Variants in LRRTM3 observed in about 807,000 individuals in gnomAD.
LRRTM3 encodes leucine-rich repeat transmembrane neuronal protein 3.
In LRRTM3, 24 loss-of-function variants were observed where a neutral mutation model predicts 44.7. That is an observed-to-expected ratio of 0.54 (90% CI 0.39 to 0.76). The LOEUF is 0.76. LRRTM3 is among the 30% of genes least tolerant of loss of function. The pLI, the probability that LRRTM3 is intolerant of heterozygous loss-of-function variation, is 0.00. For synonymous variants in LRRTM3, 277 were observed against 278.7 expected, an observed-to-expected ratio of 0.99 and a Z score of 0.06; for missense variants, 587 against 702.2, an observed-to-expected ratio of 0.84 and a Z score of 1.85.
chr10:66,976,756 T>C (rs1024552756), intron 2 of LRRTM3, among the ~76,000 whole-genome samples: 2 of 152,236 alleles, frequency 1.3e-5, no homozygotes, highest in African/African-American at 4.8e-5. Context: ...ATTATTCATT[T>C]CATCTAGAGT....
intron 2 of LRRTM3, among the ~76,000 whole-genome samples, chr10:67,036,892 A>T (rs1001933364): frequency 1.3e-5 from 2 of 152,182 alleles, no homozygotes; most frequent in Admixed American, 1.3e-4. Context: ...GTGAAAAAAA[A>T]TAATAATGCA....
intron 2 of LRRTM3, among the ~76,000 whole-genome samples, chr10:66,996,239 A>G (rs1292524143): frequency 6.6e-6 from 1 of 152,192 alleles, no homozygotes; most frequent in Non-Finnish European, 1.5e-5. Context: ...AATGCATTAA[A>G]AATTTTAACG....
At chr10:66,993,830 C>A (rs1375544927) in intron 2 of LRRTM3, among the ~76,000 whole-genome samples, 1 of 151,874 alleles carries the variant, frequency 6.6e-6, no homozygotes, top group Non-Finnish European at 1.5e-5. Flanking sequence ...GTTAGGTCTT[C>A]TTTTATGTCC....
chr10:66,932,286 A>C (rs1847447518), intron 2 of LRRTM3, among the ~76,000 whole-genome samples: 1 of 152,196 alleles, frequency 6.6e-6, no homozygotes, highest in African/African-American at 2.4e-5. Context: ...AGGTGCATGA[A>C]ATATCTCTTC....
intron 2 of LRRTM3, among the ~76,000 whole-genome samples, chr10:66,970,997 A>T (rs1213172689): frequency 6.6e-6 from 1 of 152,122 alleles, no homozygotes; most frequent in Non-Finnish European, 1.5e-5. Flanking sequence ...TCTTCTTTTC[A>T]TGCAAGTTTA....
At chr10:66,994,658 T>C (rs932679757) in intron 2 of LRRTM3, among the ~76,000 whole-genome samples, 1 of 152,178 alleles carries the variant, frequency 6.6e-6, no homozygotes, top group Admixed American at 6.6e-5. Flanking sequence ...GACAAAATCA[T>C]GACTTACCAC....
chr10:67,073,062 A>T (rs1426788539), intron 2 of LRRTM3, among the ~76,000 whole-genome samples: 1 of 152,184 alleles, frequency 6.6e-6, no homozygotes, highest in Non-Finnish European at 1.5e-5. Flanking sequence ...CAGTCCTCAG[A>T]CCACACTCAG....
intron 2 of LRRTM3, among the ~76,000 whole-genome samples, chr10:67,068,618 CAAG>C (rs1856240309): frequency 6.6e-6 from 1 of 152,034 alleles, no homozygotes; most frequent in South Asian, 2.1e-4. Context: ...GAAAAAAAGA[CAAG>C]AAGAAAATGA....
intron 2 of LRRTM3, among the ~76,000 whole-genome samples, chr10:66,999,694 T>C (rs1851566669): frequency 1.3e-5 from 2 of 152,156 alleles, no homozygotes; most frequent in African/African-American, 4.8e-5. Context: ...AAAGTAGAAA[T>C]GAATAATGTA....
intron 2 of LRRTM3, chr10:67,012,955 A>C (rs1852434345): frequency 6.6e-6 from 1 of 152,298 alleles, no homozygotes; most frequent in East Asian, 1.9e-4. Flanking sequence ...ATTTTAAAAA[A>C]ACCAACACTT....
intron 2 of LRRTM3, among the ~76,000 whole-genome samples, chr10:66,999,351 T>C (rs1299080842): frequency 6.6e-6 from 1 of 152,154 alleles, no homozygotes; most frequent in Non-Finnish European, 1.5e-5. Context: ...CTGCCTAACA[T>C]TTTCAAGAAA....
At chr10:66,949,112 T>C (rs936513431) in intron 2 of LRRTM3, among the ~76,000 whole-genome samples, 2 of 152,204 alleles carry the variant, frequency 1.3e-5, no homozygotes, top group Non-Finnish European at 2.9e-5. Flanking sequence ...ATTCCTAAAG[T>C]ATTCAATGGA....
chr10:67,001,851 T>C (rs1026116434), intron 2 of LRRTM3, among the ~76,000 whole-genome samples: 8 of 152,178 alleles, frequency 5.3e-5, no homozygotes, highest in African/African-American at 1.7e-4. Flanking sequence ...TTTCTTTCTG[T>C]TTAGCCTTGT....
intron 2 of LRRTM3, among the ~76,000 whole-genome samples, chr10:66,961,287 G>T (rs917960067): frequency 2.0e-5 from 3 of 151,882 alleles, no homozygotes; most frequent in African/African-American, 7.3e-5. Context: ...CCAAAATTTT[G>T]CTCCACAATT....
At chr10:66,999,253 G>T (rs1394804138) in intron 2 of LRRTM3, among the ~76,000 whole-genome samples, 1 of 152,028 alleles carries the variant, frequency 6.6e-6, no homozygotes, top group Non-Finnish European at 1.5e-5. Context: ...TCAGTTAAAA[G>T]ACCTGTGACT....
intron 2 of LRRTM3, among the ~76,000 whole-genome samples, chr10:66,972,910 C>T (rs960306574): frequency 6.6e-6 from 1 of 151,448 alleles, no homozygotes; most frequent in South Asian, 2.1e-4. Context: ...TGGGGTTTCA[C>T]CATGTTGACA....
At chr10:67,021,002 A>G (rs986153763) in intron 2 of LRRTM3, among the ~76,000 whole-genome samples, 1 of 152,172 alleles carries the variant, frequency 6.6e-6, no homozygotes, top group Admixed American at 6.6e-5. Context: ...TGAGATACCA[A>G]CTGAAGAGTT....
intron 2 of LRRTM3, among the ~76,000 whole-genome samples, chr10:66,939,408 A>T (rs1048364303): frequency 6.6e-6 from 1 of 152,216 alleles, no homozygotes; most frequent in African/African-American, 2.4e-5. Flanking sequence ...CTGAGTTAAA[A>T]GGAAAATACT....
intron 2 of LRRTM3, among the ~76,000 whole-genome samples, chr10:67,074,297 T>C (rs1379950547): frequency 6.6e-6 from 1 of 150,524 alleles, no homozygotes; most frequent in Non-Finnish European, 1.5e-5. Flanking sequence ...CCCAAAGTGC[T>C]GAGATTACAG....
Sources: gnomAD v4.1 joint callset for allele counts (sites outside exome capture counted in the v4.1 genomes callset) on GRCh38, gnomAD v4.1.1 for gene constraint, MANE v1.5 for transcripts, NCBI Gene and HGNC (gene_info 2026-07-23, HGNC 2026-07-21) for gene names.